Variants in VDAC1 observed in about 807,000 individuals in gnomAD.
The protein encoded by VDAC1 is non-selective voltage-gated ion channel VDAC1.
Under a neutral mutation model 34.7 loss-of-function variants are expected in VDAC1, and 10 were observed. That is an observed-to-expected ratio of 0.29 (90% CI 0.18 to 0.49). The LOEUF (loss-of-function observed/expected upper bound fraction) is 0.49, where lower values mean the gene tolerates loss of function less well. VDAC1 is among the 20% of genes least tolerant of loss of function. VDAC1 has a pLI of 0.99. For missense variants in VDAC1, 230 were observed against 347.9 expected (o/e 0.66, Z 2.69); for synonymous variants, 130 against 136.0 (o/e 0.96, Z 0.30).
the VDAC1 span, among the ~76,000 whole-genome samples, chr5:134,047,533 G>A: frequency 2.6e-5 from 4 of 152,214 alleles, no homozygotes; most frequent in Non-Finnish European, 4.4e-5. Flanking sequence ...CATTCATCCC[G>A]CACAGAAGGA....
the VDAC1 span, among the ~76,000 whole-genome samples, chr5:134,013,731 T>G: frequency 6.6e-6 from 1 of 151,836 alleles, no homozygotes; most frequent in Non-Finnish European, 1.5e-5. Context: ...TCACCTGAGG[T>G]CAGGAGTTCA....
At chr5:134,097,022 A>G in the VDAC1 span, among the ~76,000 whole-genome samples, 1 of 152,226 alleles carries the variant, frequency 6.6e-6, no homozygotes, top group African/African-American at 2.4e-5. Context: ...GTCCCAGCGC[A>G]CATCCCTACC....
At chr5:133,980,634 TA>T (rs55708320) in intron 6 of VDAC1, 94 bp downstream of exon 6, 59,144 of 578,896 alleles carry the variant, frequency 0.1, 22 homozygotes, top group Middle Eastern at 0.11. Flanking sequence ...TGGGCTTTCT[TA>T]AAAAAAAAAA....
At chr5:133,995,956 T>G (rs1357769116) in intron 1 of VDAC1, among the ~76,000 whole-genome samples, 1 of 151,296 alleles carries the variant, frequency 6.6e-6, no homozygotes, top group East Asian at 1.9e-4. Context: ...CCAGATCTGC[T>G]CCAAATCGGA....
chr5:134,034,719 G>C, the VDAC1 span, among the ~76,000 whole-genome samples: 1 of 152,136 alleles, frequency 6.6e-6, no homozygotes, highest in Non-Finnish European at 1.5e-5. Flanking sequence ...GGTGCATGCT[G>C]GGACCGAGCT....
At chr5:134,095,665 G>A in the VDAC1 span, among the ~76,000 whole-genome samples, 1 of 151,988 alleles carries the variant, frequency 6.6e-6, no homozygotes, top group African/African-American at 2.4e-5. Flanking sequence ...ACTGCCCAAT[G>A]ATCCTAGTGA....
chr5:134,101,606 C>CGGCGT, the VDAC1 span, among the ~76,000 whole-genome samples: 1 of 151,796 alleles, frequency 6.6e-6, no homozygotes, highest in Non-Finnish European at 1.5e-5. Context: ...TGAGCTTCAC[C>CGGCGT]GGCGTCGGCA....
At chr5:134,058,359 G>A in the VDAC1 span, among the ~76,000 whole-genome samples, 2 of 151,808 alleles carry the variant, frequency 1.3e-5, no homozygotes, top group Non-Finnish European at 2.9e-5. Context: ...TGTCGCCCAG[G>A]CTGGAGTGAA....
chr5:133,980,646 A>AAC (rs1752652741), intron 6 of VDAC1, 83 bp downstream of exon 6: 8 of 1,031,700 alleles, frequency 7.8e-6, no homozygotes, highest in Non-Finnish European at 1.1e-5. Context: ...AAAAAAAAAA[A>AAC]AAAAAAACAG....
At chr5:133,982,946 T>G (rs550642977) in intron 5 of VDAC1, among the ~76,000 whole-genome samples, 67 of 151,028 alleles carry the variant, frequency 4.4e-4, no homozygotes, top group Non-Finnish European at 7.5e-4. Flanking sequence ...GACTAGAGAT[T>G]TGACAATATT....
chr5:134,035,935 G>A, the VDAC1 span, among the ~76,000 whole-genome samples: 6 of 150,784 alleles, frequency 4.0e-5, no homozygotes, highest in South Asian at 6.3e-4. Flanking sequence ...GGACCCTGGC[G>A]GCAGAGGTTG....
chr5:134,101,373 C>T, the VDAC1 span, among the ~76,000 whole-genome samples: 24 of 152,142 alleles, frequency 1.6e-4, no homozygotes, highest in African/African-American at 4.1e-4. Flanking sequence ...GCAGATCACC[C>T]GAGGTCAGTA....
intron 6 of VDAC1, among the ~76,000 whole-genome samples, chr5:133,978,947 A>G (rs986734657): frequency 1.3e-5 from 2 of 152,160 alleles, no homozygotes; most frequent in African/African-American, 4.8e-5. Context: ...CGGGAGGTGG[A>G]GGCTGCAGAG....
the VDAC1 span, among the ~76,000 whole-genome samples, chr5:134,028,746 A>T: frequency 1.3e-5 from 2 of 152,170 alleles, no homozygotes; most frequent in African/African-American, 4.8e-5. Context: ...GGCAAATGTG[A>T]CTGTACATCA....
the VDAC1 span, among the ~76,000 whole-genome samples, chr5:134,037,899 T>C: frequency 6.6e-6 from 1 of 152,360 alleles, no homozygotes; most frequent in East Asian, 1.9e-4. Flanking sequence ...ATCATTGTAC[T>C]ACAGTTATAT....
chr5:134,045,913 G>A, the VDAC1 span, among the ~76,000 whole-genome samples: 2 of 151,660 alleles, frequency 1.3e-5, no homozygotes, highest in South Asian at 2.1e-4. Flanking sequence ...TCGAACTCCC[G>A]ACCTCAGGTG....
At chr5:134,075,523 T>C in the VDAC1 span, among the ~76,000 whole-genome samples, 1 of 152,260 alleles carries the variant, frequency 6.6e-6, no homozygotes, top group African/African-American at 2.4e-5. Context: ...CTACTATTCA[T>C]ACACTACTCA....
At chr5:133,986,499 C>T (rs528602005) in intron 5 of VDAC1, among the ~76,000 whole-genome samples, 1 of 152,100 alleles carries the variant, frequency 6.6e-6, no homozygotes, top group East Asian at 1.9e-4. Flanking sequence ...TGGGTTCAAG[C>T]AATTCTCCTG....
chr5:133,995,132 G>A (rs569079190), intron 1 of VDAC1, among the ~76,000 whole-genome samples: 2 of 152,160 alleles, frequency 1.3e-5, no homozygotes, highest in Non-Finnish European at 2.9e-5. Context: ...ACATCAGCCT[G>A]AAGTACAAGG....
Sources: gnomAD v4.1 joint callset for allele counts (sites outside exome capture counted in the v4.1 genomes callset) on GRCh38, gnomAD v4.1.1 for gene constraint, MANE v1.5 for transcripts, NCBI Gene and HGNC (gene_info 2026-07-23, HGNC 2026-07-21) for gene names.